Variants in ETV1 observed in about 807,000 individuals in gnomAD.
ETV1 encodes ETS translocation variant 1.
Under a neutral mutation model 62.3 loss-of-function variants are expected in ETV1, and 27 were observed. The observed-to-expected ratio is 0.43, with a 90% CI of 0.32 to 0.60. ETV1 has a LOEUF of 0.60. Among genes scored for constraint, ETV1 ranks in the 20% least tolerant of loss-of-function variants. ETV1 has a pLI of 0.06. For synonymous variants in ETV1, 222 were observed against 199.6 expected (o/e 1.11, Z -0.94); for missense variants, 605 against 605.8 (o/e 1.00, Z 0.01).
At chr7:13,952,666 G>A (rs1405432617) in intron 6 of ETV1, among the ~76,000 whole-genome samples, 2 of 151,990 alleles carry the variant, frequency 1.3e-5, no homozygotes, top group African/African-American at 2.4e-5. Context: ...TTCAGTAGGG[G>A]ACCTCCCACA....
chr7:13,938,237 G>A (rs973189799), intron 7 of ETV1, among the ~76,000 whole-genome samples: 5 of 152,160 alleles, frequency 3.3e-5, no homozygotes, highest in Non-Finnish European at 5.9e-5. Flanking sequence ...GAGCCACTGC[G>A]TCTGGCCTAT....
At chr7:13,957,321 C>A (rs1457745341) in intron 6 of ETV1, among the ~76,000 whole-genome samples, 2 of 151,996 alleles carry the variant, frequency 1.3e-5, no homozygotes, top group Non-Finnish European at 1.5e-5. Context: ...CTCCTGACCT[C>A]GTGATTTGCC....
At chr7:13,913,830 G>A (rs1783823453) in intron 9 of ETV1, among the ~76,000 whole-genome samples, 2 of 148,748 alleles carry the variant, frequency 1.3e-5, no homozygotes, top group South Asian at 4.3e-4. Context: ...AACTTATAAG[G>A]TTTAAGCCAG....
rs375351167 is a variant in ETV1, at chr7:13,955,264, G to A, written c.236-16018C>T. On this transcript the variant is annotated intron_variant, in intron 6 of 13. Coordinates refer to ENST00000430479, the MANE Select transcript of ETV1 (RefSeq NM_004956.5). ...CCACTCTTACAGAAAAGCTTCTACC[G>A]AAAGTATTTCACCCAACTTGAAAAT... Among the ~76,000 whole-genome samples, 498 of 152,186 alleles carry A rather than the reference G, an allele frequency of 3.3e-3. 3 individuals are homozygous for A. Among genetic ancestry groups the A allele is most frequent in the African/African-American group, 0.012 (485 of 41,510 alleles).
intron 8 of ETV1, 77 bp from the exon 9 acceptor site, chr7:13,931,826 T>A (rs1006048055): frequency 1.3e-6 from 2 of 1,548,500 alleles, no homozygotes; most frequent in African/African-American, 2.7e-5. Context: ...GGTTTTCCAT[T>A]TCTTAGTGAA....
At chr7:13,982,694 C>T (rs1319382991) in intron 5 of ETV1, among the ~76,000 whole-genome samples, 2 of 151,916 alleles carry the variant, frequency 1.3e-5, no homozygotes, top group African/African-American at 4.8e-5. Flanking sequence ...TAATTCAATG[C>T]TTAATTCTAA....
At chr7:13,979,613 T>C (rs1781787179) in intron 5 of ETV1, among the ~76,000 whole-genome samples, 1 of 152,138 alleles carries the variant, frequency 6.6e-6, no homozygotes, top group African/African-American at 2.4e-5. Context: ...TTTCCCATTA[T>C]ATCATTGTTT....
At chr7:13,938,698 T>A (rs1368163547) in intron 7 of ETV1, among the ~76,000 whole-genome samples, 3 of 152,246 alleles carry the variant, frequency 2.0e-5, no homozygotes, top group African/African-American at 7.2e-5. Context: ...CAATTGTCCA[T>A]GAACTCATCT....
chr7:13,932,066 ACAC>A (rs1328473098), intron 8 of ETV1, among the ~76,000 whole-genome samples: 1 of 151,710 alleles, frequency 6.6e-6, no homozygotes, highest in Non-Finnish European at 1.5e-5. Context: ...ACACACACAC[ACAC>A]AACGATTAAT....
intron 2 of ETV1, 27 bp from the exon 3 acceptor site, chr7:13,989,166 G>A (rs1365147404): frequency 2.4e-6 from 2 of 820,148 alleles, no homozygotes; most frequent in South Asian, 3.3e-5. Context: ...TGGCTTTTAG[G>A]CTTAAAAAAA....
Position 13,896,043 on chromosome 7 carries a change from T to A in ETV1, c.1257A>T (p.Glu419Asp). Reference sequence around the variant, plus strand: ...CTGGAAAGGCCATGGAGAAAAGGGCTTCTGGATCACACACAAACTTGTAGA... The same window carrying A: ...CTGGAAAGGCCATGGAGAAAAGGGCATCTGGATCACACACAAACTTGTAGA... ...RYVYKFVCDP[E>D]ALFSMAFPDN... Residue 419 changes from glutamate (E) to aspartate (D), a missense_variant, in exon 14 of 14, where the codon GAA becomes GAT. Physicochemically the swap from Glu to Asp is conservative, Grantham distance 45 (BLOSUM62 2). Coordinates refer to ENST00000430479, the MANE Select transcript of ETV1 (RefSeq NM_004956.5). 1 of 1,613,734 alleles carries A rather than the reference T, an allele frequency of 6.2e-7. No individual in the cohort carries two copies. Among genetic ancestry groups the A allele is most frequent in the Non-Finnish European group, 8.5e-7 (1 of 1,179,836 alleles).
intron 4 of ETV1, 52 bp downstream of exon 4, chr7:13,988,034 G>T: frequency 1.0e-6 from 1 of 963,816 alleles, no homozygotes. Context: ...CTTTTAGCAG[G>T]GTGGAGAGTG....
At chr7:13,988,469 T>A in intron 3 of ETV1, 3 of 606,316 alleles carry the variant, frequency 4.9e-6, no homozygotes, top group Non-Finnish European at 8.5e-6. Flanking sequence ...CTGAAGCATT[T>A]ACACTTAAAG....
At chr7:13,990,936 A>C (rs1782974675), upstream of ETV1, among the ~76,000 whole-genome samples, 1 of 152,186 alleles carries the variant, frequency 6.6e-6, no homozygotes, top group Non-Finnish European at 1.5e-5. Flanking sequence ...GACACATTAA[A>C]ATGGAGTGTA....
chr7:13,966,963 T>G (rs1314120369), intron 6 of ETV1, among the ~76,000 whole-genome samples: 1 of 151,994 alleles, frequency 6.6e-6, no homozygotes, highest in South Asian at 2.1e-4. Flanking sequence ...ACATCTAGAG[T>G]CTTATAAACC....
intron 6 of ETV1, among the ~76,000 whole-genome samples, chr7:13,947,403 A>C (rs576109452): frequency 2.0e-5 from 3 of 151,874 alleles, no homozygotes; most frequent in South Asian, 4.2e-4. Context: ...AAAAAAAAAA[A>C]AAAAACAAAC....
At chr7:13,904,721 C>G (rs1782779264) in intron 12 of ETV1, among the ~76,000 whole-genome samples, 1 of 151,914 alleles carries the variant, frequency 6.6e-6, no homozygotes, top group African/African-American at 2.4e-5. Context: ...CCAGCATGAA[C>G]CAACTCTTGC....
intron 8 of ETV1, among the ~76,000 whole-genome samples, chr7:13,932,499 A>T (rs1786304898): frequency 1.3e-5 from 2 of 152,184 alleles, no homozygotes; most frequent in Non-Finnish European, 2.9e-5. Context: ...GGTGAAAATA[A>T]CATATAGTGT....
intron 9 of ETV1, among the ~76,000 whole-genome samples, chr7:13,926,426 A>G (rs1184494824): frequency 4.6e-5 from 7 of 152,226 alleles, no homozygotes; most frequent in Admixed American, 4.6e-4. Flanking sequence ...ATAAACATCT[A>G]AAATATTTGC....
Sources: allele counts gnomAD v4.1 joint callset (sites outside exome capture counted in the v4.1 genomes callset), GRCh38; gene constraint gnomAD v4.1.1; transcripts MANE v1.5; gene names NCBI Gene and HGNC (gene_info 2026-07-23, HGNC 2026-07-21).